PABPC4: variants seen among roughly 807,000 people sequenced by gnomAD.
The protein encoded by PABPC4 is poly(A) binding protein cytoplasmic 4.
In PABPC4, 15 loss-of-function variants were observed where a neutral mutation model predicts 74.5. The observed-to-expected ratio is 0.20, with a 90% CI of 0.13 to 0.31. The LOEUF (loss-of-function observed/expected upper bound fraction) is 0.31. Among genes scored for constraint, PABPC4 ranks in the 10% least tolerant of loss-of-function variants. The pLI, the probability that PABPC4 is intolerant of heterozygous loss-of-function variation, is 1.00. For missense variants in PABPC4, 610 were observed against 853.5 expected, an observed-to-expected ratio of 0.71 and a Z score of 3.55; for synonymous variants, 345 against 303.0, an observed-to-expected ratio of 1.14 and a Z score of -1.44.
intron 1 of PABPC4, 88 bp downstream of exon 1, chr1:39,575,671 C>T (rs1278281866): frequency 1.8e-6 from 2 of 1,123,376 alleles, no homozygotes; most frequent in South Asian, 1.7e-5. Flanking sequence ...GTCGTGATGC[C>T]GCCCTCCTCG....
At chr1:39,568,376 T>C (rs1027657254) in intron 6 of PABPC4, 3 of 167,476 alleles carry the variant, frequency 1.8e-5, no homozygotes, top group Non-Finnish European at 2.5e-5. Flanking sequence ...CTGATGAATC[T>C]GATGCAAGTC....
chr1:39,566,445 C>T (rs1356449323), intron 7 of PABPC4, among the ~76,000 whole-genome samples: 2 of 152,234 alleles, frequency 1.3e-5, no homozygotes, highest in Admixed American at 1.3e-4. Context: ...ATACTCCAAA[C>T]AGCTACAAAA....
At chr1:39,567,145 T>C (rs914342883) in intron 7 of PABPC4, among the ~76,000 whole-genome samples, 2 of 152,222 alleles carry the variant, frequency 1.3e-5, no homozygotes, top group African/African-American at 4.8e-5. Flanking sequence ...ACCATCCCCA[T>C]GTAGTCAGCA....
chr1:39,575,681 G>A, intron 1 of PABPC4, 78 bp downstream of exon 1: 3 of 1,235,404 alleles, frequency 2.4e-6, no homozygotes, highest in Non-Finnish European at 3.3e-6. Flanking sequence ...CGCCCTCCTC[G>A]GCAGGAGGGC....
intron 14 of PABPC4, 122 bp downstream of exon 14, chr1:39,561,951 G>A: frequency 1.6e-6 from 2 of 1,237,768 alleles, no homozygotes; most frequent in Non-Finnish European, 2.3e-6. Flanking sequence ...TCACAGTCAA[G>A]GCATGACGAG....
chr1:39,567,286 C>CA (rs554713568), intron 7 of PABPC4: 354 of 429,066 alleles, frequency 8.3e-4, no homozygotes, highest in Admixed American at 2.7e-3. Context: ...AAAAACCTTC[C>CA]ACTCCCCTTT....
intron 6 of PABPC4, chr1:39,568,525 T>C (rs897566328): frequency 3.0e-6 from 1 of 329,016 alleles, no homozygotes; most frequent in Non-Finnish European, 5.4e-6. Flanking sequence ...AACAAAGGAG[T>C]CTCATTTAAG....
rs1646031025 is a variant in PABPC4 at position 39,576,669 on chromosome 1, T to C, written c.-718A>G. ...GGTTCTCCGAGGATTCGTTTTTTCT[T>C]TTCCTTTTTTTTTTTCAGGATTTTG... On this transcript the variant is annotated 5_prime_UTR_variant, in exon 1 of 16. Transcript: ENST00000372858. 6.7e-6 allele frequency: 1 copy of C among 148,856 alleles called. No individual in the cohort carries two copies. Among genetic ancestry groups the C allele is most frequent in the Admixed American group, 6.7e-5 (1 of 14,958 alleles). 9.2% of individuals were successfully genotyped at this position (148,856 alleles called of 1,614,324 possible).
rs767024307 is a variant in PABPC4, at chr1:39,572,619, G to C, written c.194-33C>G. 7 of 1,559,620 alleles carry C rather than the reference G, an allele frequency of 4.5e-6. No individual in the cohort carries two copies. In the African/African-American group the frequency reaches 9.5e-5, roughly 21 times the overall value. On this transcript the variant is annotated intron_variant, in intron 1 of 15. Coordinates refer to ENST00000372858, the MANE Select transcript of PABPC4 (RefSeq NM_001135653.2). ...AGAGAAACACATTTCAATAAGGAGAGAAAACGTCAGCTCCCACAGGCCAAC... is the reference window on the plus strand; with the variant it reads ...AGAGAAACACATTTCAATAAGGAGACAAAACGTCAGCTCCCACAGGCCAAC...
At chr1:39,569,359 C>G in intron 5 of PABPC4, 1 of 559,688 alleles carries the variant, frequency 1.8e-6, no homozygotes, top group Non-Finnish European at 3.2e-6. Context: ...TAACAAACGT[C>G]TGTCCTATTC....
chr1:39,564,967 G>C (rs967617492), intron 8 of PABPC4, 139 bp downstream of exon 8: 3 of 1,000,146 alleles, frequency 3.0e-6, no homozygotes, highest in African/African-American at 3.2e-5. Flanking sequence ...GTGACCATGG[G>C]TAAGTCCTTC....
Position 39,570,987 on chromosome 1 carries a change from C to T in PABPC4, c.503+247G>A, listed in dbSNP as rs1645931459. The stretch of plus-strand genomic sequence containing the variant: ...GCCCCAGTTGTTGATGCTCACAAAA[C>T]CCACAGACAGATGCCTTTAAGGGAG... On this transcript the variant is annotated intron_variant, in intron 3 of 15. Coordinates refer to ENST00000372858, the MANE Select transcript of PABPC4 (RefSeq NM_001135653.2). 3 of 1,275,264 alleles carry T rather than the reference C, an allele frequency of 2.4e-6. No individual in the cohort carries two copies. The Admixed American group carries it at 9.1e-5, about 39-fold the overall frequency. The allele number at this position is 1,275,264 out of a possible 1,614,324, so 79.0% of individuals were successfully genotyped here. A position where few individuals can be genotyped will look rare whatever the true frequency, so the allele number is the denominator to read the frequency against.
chr1:39,566,911 T>C (rs1228758567), intron 7 of PABPC4, among the ~76,000 whole-genome samples: 4 of 152,118 alleles, frequency 2.6e-5, no homozygotes, highest in Non-Finnish European at 5.9e-5. Flanking sequence ...ACTGATAACA[T>C]TGCTTTCCAC....
At chr1:39,572,667 G>A in intron 1 of PABPC4, 81 bp from the exon 2 acceptor site, 2 of 1,083,688 alleles carry the variant, frequency 1.8e-6, no homozygotes, top group East Asian at 2.4e-5. Flanking sequence ...GATTACTCCA[G>A]GACTTTTCAA....
intron 3 of PABPC4, chr1:39,570,634 C>CCT (rs903111242): frequency 3.9e-5 from 6 of 155,100 alleles, no homozygotes; most frequent in African/African-American, 1.4e-4. Context: ...GTAAGTTCCC[C>CCT]CTCTCTGCAT....
At position 39,562,459 on chromosome 1, in the gene PABPC4, C is replaced by T. The variant is rs891018361; in HGVS notation, c.1669-43G>A. 5.7e-6 allele frequency: 8 copies of T among 1,411,176 alleles called. No individual in the cohort carries two copies. The Middle Eastern group carries it at 5.3e-4, about 94-fold the overall frequency. The allele number at this position is 1,411,176 out of a possible 1,614,324, so 87.4% of individuals were successfully genotyped here. ...CAGTGGGTTAGCACTGAGGAAAGGA[C>T]AACACCTGATGGTGGTTGAGTGCCT... On this transcript the variant is annotated intron_variant, in intron 12 of 15. Transcript: ENST00000372858.
At position 39,576,050 on chromosome 1, in the gene PABPC4, G is replaced by A. The variant is rs1443214279; in HGVS notation, c.-99C>T. The A allele has an allele frequency of 7.2e-6, 6 of 828,854 alleles. No individual in the cohort carries two copies. The African/African-American group carries it at 9.0e-5, about 12-fold the overall frequency. The allele number at this position is 828,854 out of a possible 1,614,324, so 51.3% of individuals were successfully genotyped here. A position where few individuals can be genotyped will look rare whatever the true frequency, so the allele number is the denominator to read the frequency against. ...CTTCGGAGCCCGGGCCCGCGCCGCG[G>A]CTCACAGGTGGCACCGGCGCGGCGA... On this transcript the variant is annotated 5_prime_UTR_variant, in exon 1 of 16. Transcript: ENST00000372858.
chr1:39,564,898 T>A, intron 8 of PABPC4, 125 bp from the exon 9 acceptor site: 1 of 907,932 alleles, frequency 1.1e-6, no homozygotes, highest in East Asian at 2.5e-5. Context: ...ATTCAAGAGC[T>A]GAGGGGTCAG....
intron 4 of PABPC4, 50 bp downstream of exon 4, chr1:39,569,813 A>C: frequency 1.2e-6 from 2 of 1,604,196 alleles, no homozygotes; most frequent in South Asian, 2.2e-5. Flanking sequence ...CTTAAGAAAA[A>C]ACAGATGGGT....
Sources: gnomAD v4.1 joint callset for allele counts (sites outside exome capture counted in the v4.1 genomes callset) on GRCh38, gnomAD v4.1.1 for gene constraint, MANE v1.5 for transcripts, NCBI Gene and HGNC (gene_info 2026-07-23, HGNC 2026-07-21) for gene names.